Variants in BBS9 observed in about 807,000 individuals in gnomAD.
The protein encoded by BBS9 is Bardet-Biedl syndrome 9.
A neutral mutation model predicts 117.7 loss-of-function variants in BBS9; 89 were observed. The ratio of observed to expected loss-of-function variants is 0.76; its 90% confidence interval spans 0.64 to 0.90. The LOEUF (loss-of-function observed/expected upper bound fraction) is 0.90, where lower values mean the gene tolerates loss of function less well. BBS9 is among the 40% of genes least tolerant of loss of function. The pLI is 0.00. For missense variants in BBS9, 982 were observed against 1,042.2 expected, an observed-to-expected ratio of 0.94 and a Z score of 0.80; for synonymous variants, 379 against 370.9, an observed-to-expected ratio of 1.02 and a Z score of -0.25.
chr7:33,385,441 C>A lies in BBS9; in HGVS notation c.1962+1603C>A, dbSNP rs1346975586. ...CCTTGGAGTGTAAATTTCATGAAGG[C>A]AGAAATTTTTGTCTGTATTATTCAT... On this transcript the variant is annotated intron_variant, in intron 18 of 22. Coordinates refer to ENST00000242067, the MANE Select transcript of BBS9 (RefSeq NM_198428.3). Among the ~76,000 whole-genome samples the A allele has an allele frequency of 3.9e-5, 6 of 152,240 alleles. No homozygotes were observed. In the South Asian group the frequency reaches 1.0e-3, roughly 26 times the overall value.
intron 12 of BBS9, among the ~76,000 whole-genome samples, chr7:33,345,313 A>G (rs1817389532): frequency 6.6e-6 from 1 of 152,250 alleles, no homozygotes; most frequent in South Asian, 2.1e-4. Context: ...GTAATCAGTC[A>G]GCACATTATT....
chr7:33,362,451 G>A (rs1360520882), intron 16 of BBS9, among the ~76,000 whole-genome samples: 1 of 152,046 alleles, frequency 6.6e-6, no homozygotes, highest in Non-Finnish European at 1.5e-5. Flanking sequence ...TGTGTGATGT[G>A]AGGGATGGAT....
chr7:33,511,707 C>T (rs1367950709), intron 20 of BBS9, among the ~76,000 whole-genome samples: 1 of 152,164 alleles, frequency 6.6e-6, no homozygotes, highest in African/African-American at 2.4e-5. Context: ...ATCCCTTTTA[C>T]AAACTGATAT....
Position 33,505,570 on chromosome 7 carries a change from G to A in BBS9, c.2223G>A (p.Trp741Ter). Residue 741 changes from tryptophan to a stop codon, truncating the protein, a stop_gained, in exon 20 of 23, where the codon TGG (tryptophan) becomes TGA (stop). Coordinates refer to ENST00000242067, the MANE Select transcript of BBS9 (RefSeq NM_198428.3). LOFTEE classifies it high-confidence loss of function. ...TGGTGATTCTGCTGATCGCGCTGTGGCAGAAGCTTAGTGCTGACCAGGTTG... is the reference window on the plus strand; with the variant it reads ...TGGTGATTCTGCTGATCGCGCTGTGACAGAAGCTTAGTGCTGACCAGGTTG... ...THLVILLIAL[W>*]QKLSADQVAI... 1 of 1,614,128 alleles carries A rather than the reference G, an allele frequency of 6.2e-7. No individual in the cohort carries two copies. The highest frequency in any genetic ancestry group is 8.5e-7 in the Non-Finnish European group (1 of 1,180,004).
chr7:33,503,014 G>C (rs925379201), intron 19 of BBS9, among the ~76,000 whole-genome samples: 6 of 151,984 alleles, frequency 3.9e-5, no homozygotes, highest in Non-Finnish European at 8.8e-5. Flanking sequence ...AGCTTTCTAA[G>C]TAAGAAAAAA....
At chr7:33,191,222 G>C (rs989891968) in intron 5 of BBS9, among the ~76,000 whole-genome samples, 1 of 152,130 alleles carries the variant, frequency 6.6e-6, no homozygotes, top group African/African-American at 2.4e-5. Flanking sequence ...AGTGGATGTT[G>C]GGTGCAGTTT....
At chr7:33,187,496 GTTCCTCC>G (rs1783317829) in intron 5 of BBS9, among the ~76,000 whole-genome samples, 3 of 152,234 alleles carry the variant, frequency 2.0e-5, no homozygotes, top group African/African-American at 7.2e-5. Context: ...CTGGTGTGTT[GTTCCTCC>G]CTTACATCAT....
At position 33,555,899 on chromosome 7, in the gene BBS9, A is replaced by G. The variant is rs192985257; in HGVS notation, c.2521+21723A>G. ...TAGCTGTTTCATATGCTTCAACTTA[A>G]TAATTACTGCCAGTATATCTCATTG... On this transcript the variant is annotated intron_variant, in intron 21 of 22. Coordinates refer to ENST00000242067, the MANE Select transcript of BBS9 (RefSeq NM_198428.3). Among the ~76,000 whole-genome samples, 60 of 152,334 alleles carry G rather than the reference A, an allele frequency of 3.9e-4. 1 individual carries two copies. In the East Asian group the frequency reaches 0.01, roughly 25 times the overall value.
intron 2 of BBS9, among the ~76,000 whole-genome samples, chr7:33,148,222 G>A (rs958275308): frequency 2.6e-5 from 4 of 152,084 alleles, no homozygotes; most frequent in Non-Finnish European, 5.9e-5. Context: ...TGAACAATAT[G>A]GTGTTTATAT....
intron 9 of BBS9, among the ~76,000 whole-genome samples, chr7:33,334,836 C>A (rs754646983): frequency 1.3e-5 from 2 of 152,168 alleles, no homozygotes; most frequent in Admixed American, 6.5e-5. Context: ...AAGTCTCCTG[C>A]GTCCTAGTCT....
chr7:33,595,348 GAAAC>G (rs1329165603), intron 21 of BBS9, among the ~76,000 whole-genome samples: 4 of 151,556 alleles, frequency 2.6e-5, no homozygotes, highest in Non-Finnish European at 5.9e-5. Context: ...TTATAAGAAA[GAAAC>G]AACCCCATCA....
chr7:33,520,264 G>A lies in BBS9; in HGVS notation c.2299-13690G>A, dbSNP rs574608630. 5.9e-5 allele frequency among the ~76,000 whole-genome samples: 9 copies of A among 152,088 alleles called. No individual in the cohort carries two copies. The East Asian group carries it at 1.5e-3, about 26-fold the overall frequency. ...CCTGACCTTGTGATCTACCTGCCTC[G>A]GCCTCCCAAAGTGCTGGGATTACAT... On this transcript the variant is annotated intron_variant, in intron 20 of 22. Transcript: ENST00000242067.
chr7:33,184,786 A>G (rs1308036309), intron 5 of BBS9, among the ~76,000 whole-genome samples: 1 of 152,242 alleles, frequency 6.6e-6, no homozygotes, highest in Non-Finnish European at 1.5e-5. Flanking sequence ...GAAAGAATTC[A>G]GGGCAAGTTC....
intron 9 of BBS9, among the ~76,000 whole-genome samples, chr7:33,313,241 T>G (rs1397775052): frequency 6.6e-6 from 1 of 152,136 alleles, no homozygotes; most frequent in East Asian, 1.9e-4. Context: ...TATATCTCTA[T>G]ATTACTCTCT....
intron 20 of BBS9, among the ~76,000 whole-genome samples, chr7:33,526,335 G>A (rs1176588145): frequency 6.6e-6 from 1 of 152,180 alleles, no homozygotes; most frequent in Non-Finnish European, 1.5e-5. Context: ...ATAATATCCT[G>A]TAGAGTGTTT....
intron 5 of BBS9, among the ~76,000 whole-genome samples, chr7:33,235,943 A>C (rs1455483634): frequency 2.0e-5 from 3 of 152,188 alleles, no homozygotes; most frequent in Non-Finnish European, 4.4e-5. Flanking sequence ...CTTTAGATAT[A>C]TAGCTCTTTT....
intron 5 of BBS9, among the ~76,000 whole-genome samples, chr7:33,250,013 T>C (rs931849594): frequency 1.3e-5 from 2 of 152,234 alleles, no homozygotes; most frequent in Non-Finnish European, 2.9e-5. Context: ...TCTTTGATTT[T>C]CTGCAGTGTT....
intron 4 of BBS9, chr7:33,157,796 G>C (rs1794309372): frequency 6.6e-6 from 1 of 152,122 alleles, no homozygotes; most frequent in Admixed American, 6.5e-5. Context: ...TTAATAGTCA[G>C]AGGCTATTTT....
chr7:33,518,396 G>A (rs977566726), intron 20 of BBS9, among the ~76,000 whole-genome samples: 5 of 151,710 alleles, frequency 3.3e-5, no homozygotes, highest in East Asian at 1.9e-4. Flanking sequence ...GATTACAGGC[G>A]TGCGCCACTA....
Sources: gnomAD v4.1 joint callset for allele counts (sites outside exome capture counted in the v4.1 genomes callset) on GRCh38, gnomAD v4.1.1 for gene constraint, MANE v1.5 for transcripts, NCBI Gene and HGNC (gene_info 2026-07-23, HGNC 2026-07-21) for gene names.